CENPT: variants seen among roughly 807,000 people sequenced by gnomAD.
CENPT encodes the protein centromere protein T, also known as interphase centromere complex protein 22.
CENPT carries 42 observed loss-of-function variants against 59.7 expected under a neutral mutation model. The observed-to-expected ratio is 0.70, with a 90% CI of 0.55 to 0.91. CENPT has a LOEUF of 0.91. CENPT is among the 40% of genes least tolerant of loss of function. The pLI is 0.00. For missense variants in CENPT, 716 were observed against 713.4 expected (o/e 1.00, Z -0.04); for synonymous variants, 295 against 289.6 (o/e 1.02, Z -0.19).
chr16:67,841,967 C>T (rs1246317160), intron 1 of CENPT: 1 of 152,288 alleles, frequency 6.6e-6, no homozygotes, highest in Non-Finnish European at 1.5e-5. Flanking sequence ...GGCGGCGCTT[C>T]GGAGGGAAGG....
intron 1 of CENPT, among the ~76,000 whole-genome samples, chr16:67,839,796 C>T (rs2057751219): frequency 6.6e-6 from 1 of 151,948 alleles, no homozygotes; most frequent in South Asian, 2.1e-4. Context: ...ATCTCTTGAA[C>T]CTGGGAGGTG....
chr16:67,828,983 G>A (rs2057646211), intron 13 of CENPT, 140 bp from the exon 14 acceptor site: 4 of 804,220 alleles, frequency 5.0e-6, no homozygotes, highest in East Asian at 5.5e-5. Flanking sequence ...ACCACCTGCT[G>A]AGGGGCAGTT....
chr16:67,833,640 T>C (rs1027839193), intron 4 of CENPT, 110 bp downstream of exon 4: 1 of 620,448 alleles, frequency 1.6e-6, no homozygotes. Context: ...ACCCTGCTCC[T>C]CTCTGAGACT....
chr16:67,840,495 G>A (rs2057754249), intron 1 of CENPT, among the ~76,000 whole-genome samples: 1 of 146,478 alleles, frequency 6.8e-6, no homozygotes, highest in African/African-American at 2.5e-5. Flanking sequence ...TGCAGGAACA[G>A]AAAACCAAAT....
chr16:67,841,010 C>CATATATATATATATATAT (rs66882634), intron 1 of CENPT, among the ~76,000 whole-genome samples: 39 of 109,370 alleles, frequency 3.6e-4, no homozygotes, highest in African/African-American at 6.3e-4. Flanking sequence ...ATACAAAATA[C>CATATATATATATATATAT]ATATATATAT....
chr16:67,832,672 T>G, intron 4 of CENPT, 127 bp from the exon 5 acceptor site: 1 of 745,358 alleles, frequency 1.3e-6, no homozygotes, highest in Non-Finnish European at 2.2e-6. Flanking sequence ...CAGAAACCAC[T>G]TGCCCCTACC....
chr16:67,841,974 A>T (rs756369285), intron 1 of CENPT: 1 of 152,192 alleles, frequency 6.6e-6, no homozygotes, highest in African/African-American at 2.4e-5. Context: ...CTTCGGAGGG[A>T]AGGCGCCTAG....
rs777785515 is a variant in CENPT, at chr16:67,832,077, C to G, written c.321G>C (p.Ser107=). The G allele has an allele frequency of 1.2e-6, 2 of 1,612,214 alleles. No homozygotes were observed. Among genetic ancestry groups the G allele is most frequent in the Admixed American group, 1.7e-5 (1 of 59,852 alleles). Residue 107 remains serine, a synonymous_variant, in exon 7 of 16, where the codon TCG becomes TCC. Coordinates refer to ENST00000562787, the MANE Select transcript of CENPT (RefSeq NM_025082.4). ...GCGGTGCTGGCACTGGCTTCACTACCGACTCAGGCATCAGGATGGAAGATT... is the reference window on the plus strand; with the variant it reads ...GCGGTGCTGGCACTGGCTTCACTACGGACTCAGGCATCAGGATGGAAGATT... ...APESSILMPE[S]VVKPVPAPQA...
Position 67,828,560 on chromosome 16 carries a change from C to G in CENPT, c.1476G>C (p.Gln492His), listed in dbSNP as rs772347517. The change falls in exon 15 of 16, where the codon CAG (glutamine) becomes CAC (histidine). Residue 492 changes from glutamine to histidine, a missense_variant. Transcript: ENST00000562787. ...MVEKCLDKYFQHLCDDLEVFA... is the reference protein window; with the variant it reads ...MVEKCLDKYFHHLCDDLEVFA... ...ATACCTCCAGATCATCACAAAGATG[C>G]TGGAAATATTTATCTAGGCTGTCAA... The G allele has an allele frequency of 6.2e-7, 1 of 1,614,230 alleles. No homozygotes were observed. Among genetic ancestry groups the G allele is most frequent in the South Asian group, 1.1e-5 (1 of 91,086 alleles).
At chr16:67,837,710 A>G (rs2057741522) in intron 1 of CENPT, among the ~76,000 whole-genome samples, 1 of 152,106 alleles carries the variant, frequency 6.6e-6, no homozygotes, top group Admixed American at 6.6e-5. Flanking sequence ...AAAAACAAAC[A>G]AACAAACAAA....
In CENPT at chr16:67,828,325, T is replaced by C. The variant is rs2151281723; in HGVS notation, c.1628A>G (p.Tyr543Cys). ...VLVERHLPLE[Y>C]RQLLIPCAYS... ...TGCACAGGGGATGAGCAGCTGCCGG[T>C]ACTCCAGGGGCAGGTGCCGCTCCAC... The change falls in exon 16 of 16, where the codon TAC becomes TGC. Residue 543 changes from tyrosine to cysteine, a missense_variant. Physicochemically the swap from Tyr to Cys is radical, Grantham distance 194. Transcript: ENST00000562787. 1.2e-6 allele frequency: 2 copies of C among 1,609,334 alleles called. No individual in the cohort carries two copies. The highest frequency in any genetic ancestry group is 4.5e-5 in the East Asian group (2 of 44,706).
intron 1 of CENPT, among the ~76,000 whole-genome samples, chr16:67,839,639 G>A (rs985639525): frequency 3.9e-5 from 6 of 152,136 alleles, no homozygotes; most frequent in South Asian, 2.1e-4. Context: ...TTGGGAGGCC[G>A]AGGTGGGTGG....
In CENPT at chr16:67,842,725, C is replaced by A. The variant is rs779000927; in HGVS notation, c.-492+4676G>T. ...TCTCCACCTTCCAGCCCACCACAGG[C>A]CACCGTCTCTGCAGCGTTCACTTCC... On this transcript the variant is annotated intron_variant, in intron 1 of 15. Transcript: ENST00000562787. The surrounding 1 kb of genome is among the most constrained non-coding windows in gnomAD (Gnocchi z 4.9). The A allele has an allele frequency of 2.5e-6, 4 of 1,606,538 alleles. No homozygotes were observed. The South Asian group carries it at 4.4e-5, about 18-fold the overall frequency.
intron 1 of CENPT, among the ~76,000 whole-genome samples, chr16:67,841,283 T>C (rs1244888556): frequency 7.2e-6 from 1 of 138,374 alleles, no homozygotes; most frequent in African/African-American, 2.7e-5. Flanking sequence ...TCCTTTCCCA[T>C]AAAATCCTTT....
intron 1 of CENPT, among the ~76,000 whole-genome samples, chr16:67,836,002 C>G (rs1440881949): frequency 6.6e-6 from 1 of 152,068 alleles, no homozygotes; most frequent in Non-Finnish European, 1.5e-5. Context: ...CTCAGCCTCC[C>G]AAAGTGCTGG....
chr16:67,828,389 G>A lies in CENPT; in HGVS notation c.1564C>T (p.Gln522Ter), dbSNP rs1488844100. 1.2e-6 allele frequency: 2 copies of A among 1,611,368 alleles called. No individual in the cohort carries two copies. Among genetic ancestry groups the A allele is most frequent in the African/African-American group, 2.7e-5 (2 of 74,986 alleles). ...PEDLELLMRR[Q>*]GLVTDQVSLH... ...GAGACTTGGTCAGTGACCAGGCCCT[G>A]CCTGCAGTGGAGGAAGAGAAGGGAC... Residue 522 changes from glutamine to a stop codon, truncating the protein, a stop_gained and splice_region_variant, in exon 16 of 16, where the codon CAG becomes TAG. Transcript: ENST00000562787. LOFTEE classifies it high-confidence loss of function.
In CENPT at chr16:67,843,647, C is replaced by T; in HGVS notation, c.-492+3754G>A. 3 of 780,846 alleles carry T rather than the reference C, an allele frequency of 3.8e-6. No individual in the cohort carries two copies. In the South Asian group the frequency reaches 5.8e-5, roughly 15 times the overall value. The allele number at this position is 780,846 out of a possible 1,614,324, so 48.4% of individuals were successfully genotyped here. ...ACTCTCTTGCTGGTGACCTGGCATCCTCAATTGTTTCCTCCTGAAGTGGAA... is the reference window on the plus strand; with the variant it reads ...ACTCTCTTGCTGGTGACCTGGCATCTTCAATTGTTTCCTCCTGAAGTGGAA... On this transcript the variant is annotated intron_variant, in intron 1 of 15. Transcript: ENST00000562787. This position sits in a 1 kb window ranked among gnomAD's most constrained non-coding sequence, Gnocchi z 5.7.
chr16:67,833,696 C>T (rs2057714727), intron 4 of CENPT, 54 bp downstream of exon 4: 2 of 1,136,146 alleles, frequency 1.8e-6, no homozygotes, highest in African/African-American at 1.6e-5. Flanking sequence ...CCACCCAGAC[C>T]CCACTCCCCG....
intron 1 of CENPT, among the ~76,000 whole-genome samples, chr16:67,846,110 A>G (rs2151290910): frequency 6.6e-6 from 1 of 152,368 alleles, no homozygotes; most frequent in Non-Finnish European, 1.5e-5. Context: ...AAGAAAACAA[A>G]TGGGCGTTGA....
Sources: gnomAD v4.1 joint callset for allele counts (sites outside exome capture counted in the v4.1 genomes callset) on GRCh38, gnomAD v4.1.1 for gene constraint, Gnocchi (gnomAD v3.1) non-coding constraint, MANE v1.5 for transcripts, NCBI Gene and HGNC (gene_info 2026-07-23, HGNC 2026-07-21) for gene names.